Variants in ZNRF3 observed in about 807,000 individuals in gnomAD.
The protein encoded by ZNRF3 is zinc and ring finger 3, also known as E3 ubiquitin-protein ligase ZNRF3.
A neutral mutation model predicts 72.5 loss-of-function variants in ZNRF3; 23 were observed. That is an observed-to-expected ratio of 0.32 (90% CI 0.23 to 0.45). ZNRF3 has a LOEUF of 0.45. ZNRF3 is among the 20% of genes least tolerant of loss of function. The probability of loss-of-function intolerance (pLI) is 1.00; values close to 1 mark genes in which losing one functional copy is unlikely to be tolerated. For synonymous variants in ZNRF3, 610 were observed against 545.3 expected, an observed-to-expected ratio of 1.12 and a Z score of -1.65; for missense variants, 1,169 against 1,272.1, an observed-to-expected ratio of 0.92 and a Z score of 1.23.
At chr22:29,003,513 CAAAA>C (rs796336147) in intron 2 of ZNRF3, among the ~76,000 whole-genome samples, 1 of 103,226 alleles carries the variant, frequency 9.7e-6, no homozygotes. Context: ...GACTCCGACT[CAAAA>C]AAAAAAAAAA....
intron 1 of ZNRF3, among the ~76,000 whole-genome samples, chr22:28,956,826 C>G (rs192378602): frequency 6.6e-6 from 1 of 152,106 alleles, no homozygotes; most frequent in Non-Finnish European, 1.5e-5. Flanking sequence ...TAAACAGTCC[C>G]AGAGGGCTTT....
chr22:28,988,561 G>T (rs2035896861), intron 2 of ZNRF3, among the ~76,000 whole-genome samples: 1 of 152,196 alleles, frequency 6.6e-6, no homozygotes, highest in Admixed American at 6.5e-5. Context: ...TTGCTTTACA[G>T]TTCACAAAGT....
At position 29,050,763 on chromosome 22, in the gene ZNRF3, C is replaced by T. The variant is rs1400184077; in HGVS notation, c.2582C>T (p.Pro861Leu). The T allele has an allele frequency of 1.6e-5, 25 of 1,607,292 alleles. No individual in the cohort carries two copies. The highest frequency in any genetic ancestry group is 2.2e-5 in the South Asian group (2 of 90,348). ...GGCTCCTGGGGTGGGACGCGAGGCCCGGATACCCCACGGCCCCACAGGGGC... is the reference window on the plus strand; with the variant it reads ...GGCTCCTGGGGTGGGACGCGAGGCCTGGATACCCCACGGCCCCACAGGGGC... ...SLGSWGGTRG[P>L]DTPRPHRGLG... Residue 861 changes from proline (P) to leucine (L), a missense_variant, in exon 8 of 9, where the codon CCG becomes CTG. Coordinates refer to ENST00000544604, the MANE Select transcript of ZNRF3 (RefSeq NM_001206998.2).
At chr22:28,980,003 T>G (rs2035738023) in intron 1 of ZNRF3, among the ~76,000 whole-genome samples, 1 of 152,224 alleles carries the variant, frequency 6.6e-6, no homozygotes, top group Admixed American at 6.5e-5. Context: ...ATGACAGGTC[T>G]AGAGAAGGTG....
intron 2 of ZNRF3, chr22:28,992,699 G>A (rs2035978167): frequency 6.6e-6 from 1 of 152,292 alleles, no homozygotes; most frequent in Non-Finnish European, 1.5e-5. Flanking sequence ...CTCATAGCAG[G>A]CCCCTGCAGT....
At chr22:28,891,129 A>G (rs2123743806) in intron 1 of ZNRF3, among the ~76,000 whole-genome samples, 1 of 152,246 alleles carries the variant, frequency 6.6e-6, no homozygotes, top group East Asian at 1.9e-4. Context: ...ATTTAAGTAA[A>G]TCTTCATAAT....
intron 1 of ZNRF3, among the ~76,000 whole-genome samples, chr22:28,946,157 A>G (rs1314522573): frequency 6.6e-6 from 1 of 152,178 alleles, no homozygotes; most frequent in African/African-American, 2.4e-5. Context: ...GATAAGGGAC[A>G]CCCCAGCCTG....
intron 1 of ZNRF3, among the ~76,000 whole-genome samples, chr22:28,930,314 T>C (rs2034681749): frequency 6.6e-6 from 1 of 152,210 alleles, no homozygotes; most frequent in Non-Finnish European, 1.5e-5. Flanking sequence ...TAGAAACACA[T>C]ATAGCTCAGC....
chr22:28,962,925 C>T (rs1361812116), intron 1 of ZNRF3, among the ~76,000 whole-genome samples: 1 of 152,068 alleles, frequency 6.6e-6, no homozygotes, highest in Non-Finnish European at 1.5e-5. Flanking sequence ...GTGGCTTGTA[C>T]CCTGAACATC....
At chr22:28,892,800 A>G (rs781142755) in intron 1 of ZNRF3, among the ~76,000 whole-genome samples, 6 of 152,178 alleles carry the variant, frequency 3.9e-5, no homozygotes, top group Non-Finnish European at 8.8e-5. Flanking sequence ...ACGAAGTTTG[A>G]TCCTAGAATT....
Position 29,056,364 on chromosome 22 carries a change from G to T in ZNRF3, c.*2742G>T, listed in dbSNP as rs2037298787. The T allele has an allele frequency of 6.6e-6, 1 of 152,188 alleles. No individual in the cohort carries two copies. The highest frequency in any genetic ancestry group is 6.5e-5 in the Admixed American group (1 of 15,276). 9.4% of individuals were successfully genotyped at this position (152,188 alleles called of 1,614,324 possible). A position where few individuals can be genotyped will look rare whatever the true frequency, so the allele number is the denominator to read the frequency against. Reference sequence around the variant, plus strand: ...GATCCGCCCACCTCGGCCTCCCAAAGTGCTGGGATTACAGGCGTGAGCCAC... The same window carrying T: ...GATCCGCCCACCTCGGCCTCCCAAATTGCTGGGATTACAGGCGTGAGCCAC... On this transcript the variant is annotated 3_prime_UTR_variant, in exon 9 of 9. Coordinates refer to ENST00000544604, the MANE Select transcript of ZNRF3 (RefSeq NM_001206998.2).
chr22:28,952,237 C>T (rs572051079), intron 1 of ZNRF3, among the ~76,000 whole-genome samples: 1 of 152,288 alleles, frequency 6.6e-6, no homozygotes, highest in Admixed American at 6.5e-5. Context: ...GTTGTACTTG[C>T]ATTGGAGGTT....
rs397720887 is a variant in ZNRF3, at chr22:28,955,045, T to TG, written c.301-32030dup. Among the ~76,000 whole-genome samples, 1,123 of 145,850 alleles carry TG rather than the reference T, an allele frequency of 7.7e-3. 18 individuals carry two copies. The highest frequency in any genetic ancestry group is 0.027 in the African/African-American group (1,042 of 39,290). On this transcript the variant is annotated intron_variant, in intron 1 of 8. Transcript: ENST00000544604. Reference sequence around the variant, plus strand: ...GGTATTTTTGGTGTTTTTTTTTTTTTGTTTTTTTTTTTTGAGACAAGGTCT... The same window carrying TG: ...GGTATTTTTGGTGTTTTTTTTTTTTTGGTTTTTTTTTTTTGAGACAAGGTCT...
intron 2 of ZNRF3, among the ~76,000 whole-genome samples, chr22:29,004,535 T>C (rs763101731): frequency 2.0e-5 from 3 of 152,194 alleles, no homozygotes; most frequent in Non-Finnish European, 2.9e-5. Context: ...AGGTGGCCCC[T>C]CTGTCACCTG....
In ZNRF3 at chr22:28,999,462, C is replaced by T. The variant is rs186364984; in HGVS notation, c.426+12261C>T. Reference sequence around the variant, plus strand: ...CTGTACTCTAGTCTGGGTGATAGAGCGAGACCCCTGACTCTCAAAGAAAGC... The same window carrying T: ...CTGTACTCTAGTCTGGGTGATAGAGTGAGACCCCTGACTCTCAAAGAAAGC... On this transcript the variant is annotated intron_variant, in intron 2 of 8. Transcript: ENST00000544604. 1.1e-4 allele frequency among the ~76,000 whole-genome samples: 16 copies of T among 152,254 alleles called. 1 individual carries two copies. Among genetic ancestry groups the T allele is most frequent in the African/African-American group, 3.6e-4 (15 of 41,554 alleles).
chr22:28,901,550 T>A (rs1297354361), intron 1 of ZNRF3, among the ~76,000 whole-genome samples: 2 of 152,056 alleles, frequency 1.3e-5, no homozygotes, highest in African/African-American at 4.8e-5. Context: ...GCTTTTCTGC[T>A]TTTTGCTGGC....
At chr22:28,885,841 A>C (rs2033776018) in intron 1 of ZNRF3, among the ~76,000 whole-genome samples, 1 of 152,082 alleles carries the variant, frequency 6.6e-6, no homozygotes. Flanking sequence ...GAGTAGAGAG[A>C]TAATATGTGA....
intron 1 of ZNRF3, among the ~76,000 whole-genome samples, chr22:28,949,496 C>G (rs1221713577): frequency 1.3e-5 from 2 of 151,966 alleles, no homozygotes; most frequent in Admixed American, 1.3e-4. Context: ...CCAGGCTGGT[C>G]TCAAAACTCC....
chr22:29,049,928 T>A lies in ZNRF3; in HGVS notation c.1747T>A (p.Cys583Ser). The change falls in exon 8 of 9, where the codon TGC (cysteine) becomes AGC (serine). Residue 583 changes from cysteine (C) to serine (S), a missense_variant. Physicochemically the swap from Cys to Ser is moderately radical, Grantham distance 112. This residue lies in a region of ZNRF3 where 783 missense variants were observed against 731.4 expected (regional missense o/e 1.07). Transcript: ENST00000544604. The surrounding 1 kb of genome is among the most constrained non-coding windows in gnomAD (Gnocchi z 5.2). ...EVSNQGVYGS[C>S]STFRSSLSSD... ...CAGCAACCAGGGCGTGTACGGGAGC[T>A]GCTCCACCTTCCGCAGCTCCCTCAG... 5 of 1,608,946 alleles carry A rather than the reference T, an allele frequency of 3.1e-6. No individual in the cohort carries two copies. The highest frequency in any genetic ancestry group is 3.4e-6 in the Non-Finnish European group (4 of 1,178,032).
Sources: gnomAD v4.1 joint callset for allele counts (sites outside exome capture counted in the v4.1 genomes callset) on GRCh38, gnomAD v4.1.1 for gene constraint, gnomAD v4.1.1 regional missense constraint, Gnocchi (gnomAD v3.1) non-coding constraint, MANE v1.5 for transcripts, NCBI Gene and HGNC (gene_info 2026-07-23, HGNC 2026-07-21) for gene names.